PARD3B: variants seen among roughly 807,000 people sequenced by gnomAD.
PARD3B encodes par-3 family cell polarity regulator beta.
In PARD3B, 103 loss-of-function variants were observed where a neutral mutation model predicts 130.2. The ratio of observed to expected loss-of-function variants is 0.79; its 90% CI spans 0.67 to 0.93. PARD3B has a LOEUF of 0.93. PARD3B is among the 40% of genes least tolerant of loss of function. The probability of loss-of-function intolerance (pLI) is 0.00; values close to 1 mark genes in which losing one functional copy is unlikely to be tolerated. For missense variants in PARD3B, 1,609 were observed against 1,499.2 expected (o/e 1.07, Z -1.21); for synonymous variants, 583 against 553.2 (o/e 1.05, Z -0.76).
At chr2:205,537,737 G>A (rs1409975875) in intron 21 of PARD3B, among the ~76,000 whole-genome samples, 1 of 152,190 alleles carries the variant, frequency 6.6e-6, no homozygotes, top group Non-Finnish European at 1.5e-5. Context: ...CCAGTCACTA[G>A]AACTACACAC....
chr2:205,203,378 C>CTT (rs35260590), intron 15 of PARD3B, among the ~76,000 whole-genome samples: 1 of 137,680 alleles, frequency 7.3e-6, no homozygotes, highest in Non-Finnish European at 1.6e-5. Context: ...GATTCTAAGC[C>CTT]TTTTTTTTTT....
chr2:204,896,236 A>G (rs1227401150), intron 2 of PARD3B, among the ~76,000 whole-genome samples: 3 of 152,226 alleles, frequency 2.0e-5, no homozygotes, highest in Non-Finnish European at 4.4e-5. Context: ...ATAAAGGAGG[A>G]TGAATTAGAT....
intron 18 of PARD3B, among the ~76,000 whole-genome samples, chr2:205,379,253 A>C (rs74979733): frequency 0.011 from 1,732 of 152,192 alleles, 26 homozygotes; most frequent in African/African-American, 0.04. Context: ...ACCACCAAAA[A>C]TGTTAGAGGC....
At chr2:205,255,554 G>T (rs2040046434) in intron 16 of PARD3B, among the ~76,000 whole-genome samples, 1 of 152,090 alleles carries the variant, frequency 6.6e-6, no homozygotes, top group Non-Finnish European at 1.5e-5. Context: ...TCAGAAGCCA[G>T]TCCCACGTCC....
intron 16 of PARD3B, among the ~76,000 whole-genome samples, chr2:205,295,731 G>T (rs1249132179): frequency 6.6e-6 from 1 of 152,080 alleles, no homozygotes; most frequent in Non-Finnish European, 1.5e-5. Context: ...ATGCTAAAGT[G>T]GGAAGTTCAA....
intron 15 of PARD3B, among the ~76,000 whole-genome samples, chr2:205,198,566 C>A (rs1046052361): frequency 6.6e-6 from 1 of 152,106 alleles, no homozygotes; most frequent in Non-Finnish European, 1.5e-5. Context: ...AATTTATAAG[C>A]CAACTGAGTT....
In PARD3B at chr2:205,127,145, A is replaced by G. The variant is rs1049440419; in HGVS notation, c.1434+1408A>G. Among the ~76,000 whole-genome samples the G allele has an allele frequency of 7.2e-5, 11 of 152,084 alleles. No homozygotes were observed. In the South Asian group the frequency reaches 1.5e-3, roughly 20 times the overall value. Reference sequence around the variant, plus strand: ...ACCCCGTCTCTACTAAAAAATACAAAAAGTAGCCAGGCATGGTGGCATGTG... The same window carrying G: ...ACCCCGTCTCTACTAAAAAATACAAGAAGTAGCCAGGCATGGTGGCATGTG... On this transcript the variant is annotated intron_variant, in intron 10 of 22. Transcript: ENST00000406610.
At chr2:204,626,482 T>G (rs1371503595) in intron 1 of PARD3B, among the ~76,000 whole-genome samples, 1 of 152,084 alleles carries the variant, frequency 6.6e-6, no homozygotes, top group African/African-American at 2.4e-5. Flanking sequence ...ACCCATGAAT[T>G]TAAAGGAAGT....
intron 1 of PARD3B, among the ~76,000 whole-genome samples, chr2:204,603,370 G>A (rs541192645): frequency 3.1e-4 from 47 of 152,126 alleles, no homozygotes; most frequent in Admixed American, 2.6e-3. Flanking sequence ...TAATTCACCA[G>A]TATTATTTCA....
intron 2 of PARD3B, among the ~76,000 whole-genome samples, chr2:204,909,261 T>A (rs2047146632): frequency 6.6e-6 from 1 of 152,136 alleles, no homozygotes; most frequent in Non-Finnish European, 1.5e-5. Flanking sequence ...CATGGTTAGG[T>A]AGGCATCCAT....
chr2:205,032,527 A>G (rs1423429051), intron 3 of PARD3B, among the ~76,000 whole-genome samples: 1 of 152,160 alleles, frequency 6.6e-6, no homozygotes, highest in African/African-American at 2.4e-5. Context: ...GAAAGTCTCT[A>G]TACAGGAAAG....
At chr2:204,835,695 A>G (rs771374800) in intron 2 of PARD3B, among the ~76,000 whole-genome samples, 8 of 152,254 alleles carry the variant, frequency 5.3e-5, no homozygotes, top group Non-Finnish European at 1.0e-4. Context: ...GTGTGAAAGC[A>G]GTACCTATTC....
intron 21 of PARD3B, among the ~76,000 whole-genome samples, chr2:205,542,037 G>C (rs1575308678): frequency 6.6e-6 from 1 of 150,528 alleles, no homozygotes; most frequent in East Asian, 2.0e-4. Context: ...CAGCTACTCG[G>C]GAAGCTGAGG....
intron 2 of PARD3B, among the ~76,000 whole-genome samples, chr2:204,747,210 C>T (rs1032846602): frequency 6.6e-6 from 1 of 152,112 alleles, no homozygotes; most frequent in Non-Finnish European, 1.5e-5. Context: ...GGCCAGTTTT[C>T]CCAGCACCAT....
chr2:205,204,123 T>C (rs1241912363), intron 15 of PARD3B, among the ~76,000 whole-genome samples: 1 of 152,230 alleles, frequency 6.6e-6, no homozygotes, highest in Non-Finnish European at 1.5e-5. Context: ...TGTTGTTTCC[T>C]GACTTTTTAA....
In PARD3B at chr2:205,405,600, G is replaced by C. The variant is rs1481501797; in HGVS notation, c.2741+4477G>C. 6.6e-6 allele frequency among the ~76,000 whole-genome samples: 1 copy of C among 152,174 alleles called. No homozygotes were observed. The highest frequency in any genetic ancestry group is 1.5e-5 in the Non-Finnish European group (1 of 68,024). ...ATATCCCATCAATCTAAGCTTGCAA[G>C]AATAATTTTTTTCGTTAAAATTTAT... On this transcript the variant is annotated intron_variant, in intron 19 of 22. Coordinates refer to ENST00000406610, the MANE Select transcript of PARD3B (RefSeq NM_001302769.2). The surrounding 1 kb of genome is among the most constrained non-coding windows in gnomAD (Gnocchi z 4.1).
intron 4 of PARD3B, among the ~76,000 whole-genome samples, chr2:205,103,181 A>AATAAACATTTTATATTTAT (rs1575788828): frequency 3.2e-5 from 3 of 94,078 alleles, no homozygotes; most frequent in South Asian, 3.6e-4. Flanking sequence ...ATTTATGTAA[A>AATAAACATTTTATATTTAT]GTAAACATTT....
At chr2:205,009,968 A>G (rs987515973) in intron 3 of PARD3B, among the ~76,000 whole-genome samples, 10 of 152,122 alleles carry the variant, frequency 6.6e-5, no homozygotes, top group East Asian at 5.8e-4. Flanking sequence ...CTTCACTTCA[A>G]CCCATGAGGT....
chr2:205,298,102 C>T lies in PARD3B; in HGVS notation c.2186-2428C>T, dbSNP rs114594452. ...CCTGGAATTTATTGCTAAACGTTGA[C>T]GTGAATGCTTACAGTTTGGGCTCTA... On this transcript the variant is annotated intron_variant, in intron 16 of 22. Coordinates refer to ENST00000406610, the MANE Select transcript of PARD3B (RefSeq NM_001302769.2). Among the ~76,000 whole-genome samples the T allele has an allele frequency of 8.3e-3, 1,265 of 152,206 alleles. 12 individuals are homozygous for T. Among genetic ancestry groups the T allele is most frequent in the African/African-American group, 0.029 (1,191 of 41,536 alleles).
Sources: allele counts gnomAD v4.1 joint callset (sites outside exome capture counted in the v4.1 genomes callset), GRCh38; gene constraint gnomAD v4.1.1; non-coding constraint Gnocchi (gnomAD v3.1); transcripts MANE v1.5; gene names NCBI Gene and HGNC (gene_info 2026-07-23, HGNC 2026-07-21).